EML1: variants seen among roughly 807,000 people sequenced by gnomAD.
EML1 encodes EMAP like 1.
EML1 carries 27 observed loss-of-function variants against 110.4 expected under a neutral mutation model. The ratio of observed to expected loss-of-function variants is 0.24; its 90% CI spans 0.18 to 0.34. EML1 has a LOEUF of 0.34. Ranked by LOEUF, EML1 falls within the 10% of genes least tolerant of loss-of-function variation. EML1 has a pLI of 1.00. For missense variants in EML1, 741 were observed against 1,030.9 expected (o/e 0.72, Z 3.85); for synonymous variants, 344 against 385.8 (o/e 0.89, Z 1.27).
intron 1 of EML1, among the ~76,000 whole-genome samples, chr14:99,807,106 T>G (rs2057990918): frequency 6.6e-6 from 1 of 152,148 alleles, no homozygotes; most frequent in Non-Finnish European, 1.5e-5. Flanking sequence ...CAGGACTGTT[T>G]AAAGAGACAA....
At chr14:99,817,878 G>T (rs1446540092) in intron 1 of EML1, among the ~76,000 whole-genome samples, 1 of 152,108 alleles carries the variant, frequency 6.6e-6, no homozygotes, top group African/African-American at 2.4e-5. Flanking sequence ...TAGAGTGTAG[G>T]TGGAGCCCCC....
chr14:99,821,702 G>A (rs1277187237), intron 1 of EML1, among the ~76,000 whole-genome samples: 1 of 152,162 alleles, frequency 6.6e-6, no homozygotes, highest in Non-Finnish European at 1.5e-5. Flanking sequence ...ACTCCAGCCT[G>A]GGCAGAAGGA....
chr14:99,890,148 A>C (rs530817575), intron 4 of EML1, among the ~76,000 whole-genome samples: 15 of 152,314 alleles, frequency 9.8e-5, no homozygotes, highest in Non-Finnish European at 1.5e-4. Context: ...CACACACACA[A>C]AATGCATATG....
intron 1 of EML1, among the ~76,000 whole-genome samples, chr14:99,743,474 G>A (rs373004718): frequency 2.6e-5 from 4 of 152,154 alleles, no homozygotes; most frequent in East Asian, 1.9e-4. Flanking sequence ...GTCCAGGTGC[G>A]GCTGGATCCT....
At chr14:99,845,230 T>A (rs566440376) in intron 1 of EML1, among the ~76,000 whole-genome samples, 2 of 152,196 alleles carry the variant, frequency 1.3e-5, no homozygotes, top group African/African-American at 4.8e-5. Context: ...TAATATCTCA[T>A]TGTAGTTTTA....
intron 1 of EML1, among the ~76,000 whole-genome samples, chr14:99,740,991 G>A (rs2057034999): frequency 6.6e-6 from 1 of 152,206 alleles, no homozygotes; most frequent in African/African-American, 2.4e-5. Flanking sequence ...GCTTGGGAAA[G>A]TTTCCAGCAA....
Position 99,793,413 on chromosome 14 carries a change from A to G in EML1, c.-64A>G. ...CGCCGGTCGCGGTCGGGCTCAGCTCAGTGTGTGGTGAGCGGCGGCGGCGCG... is the reference window on the plus strand; with the variant it reads ...CGCCGGTCGCGGTCGGGCTCAGCTCGGTGTGTGGTGAGCGGCGGCGGCGCG... On this transcript the variant is annotated 5_prime_UTR_variant, in exon 1 of 22. Transcript: ENST00000262233. 2 of 1,014,594 alleles carry G rather than the reference A, an allele frequency of 2.0e-6. No individual in the cohort carries two copies. The highest frequency in any genetic ancestry group is 2.4e-6 in the Non-Finnish European group (2 of 850,218). The allele number at this position is 1,014,594 out of a possible 1,614,324, so 62.8% of individuals were successfully genotyped here.
intron 10 of EML1, among the ~76,000 whole-genome samples, chr14:99,908,657 G>A (rs1232396165): frequency 6.6e-6 from 1 of 152,202 alleles, no homozygotes; most frequent in African/African-American, 2.4e-5. Flanking sequence ...GCCCAATCCA[G>A]TAGGCCAGGG....
At chr14:99,937,525 C>T (rs980459989) in intron 19 of EML1, among the ~76,000 whole-genome samples, 1 of 152,050 alleles carries the variant, frequency 6.6e-6, no homozygotes, top group African/African-American at 2.4e-5. Context: ...GGGCAGCAGG[C>T]GGAGACCCAG....
chr14:99,776,709 C>T (rs2140209754), intron 1 of EML1, among the ~76,000 whole-genome samples: 1 of 152,262 alleles, frequency 6.6e-6, no homozygotes, highest in Non-Finnish European at 1.5e-5. Context: ...GTAATATTGG[C>T]CGTAAGTGAA....
At chr14:99,896,287 G>C (rs1863415897) in intron 6 of EML1, among the ~76,000 whole-genome samples, 2 of 151,952 alleles carry the variant, frequency 1.3e-5, no homozygotes, top group Admixed American at 6.6e-5. Flanking sequence ...ATTACTATTT[G>C]AGATTATGGA....
chr14:99,741,740 C>T (rs2057044969), intron 1 of EML1, among the ~76,000 whole-genome samples: 2 of 152,182 alleles, frequency 1.3e-5, no homozygotes, highest in Admixed American at 6.5e-5. Flanking sequence ...TAGAAGGCCT[C>T]GCCCCCCAAT....
At position 99,865,556 on chromosome 14, in the gene EML1, A is replaced by G. The variant is rs193255816; in HGVS notation, c.293A>G (p.Asn98Ser). The part of the protein sequence containing the change: ...MQTLPLRTTV[N>S]NGTVLPKKPT... ...ACCCTGCCTTTAAGAACCACGGTCA[A>G]CAATGGCACTGTGTTACCAAAGAAA... Residue 98 changes from asparagine (N) to serine (S), a missense_variant, in exon 3 of 22, where the codon AAC (asparagine) becomes AGC (serine). Asn to Ser is a conservative substitution (Grantham distance 46). This residue lies in a region of EML1 where 226 missense variants were observed against 255.6 expected (regional missense o/e 0.88). Coordinates refer to ENST00000262233, the MANE Select transcript of EML1 (RefSeq NM_004434.3). The G allele has an allele frequency of 8.7e-6, 14 of 1,614,264 alleles. No individual in the cohort carries two copies. In the East Asian group the frequency reaches 2.5e-4, roughly 28 times the overall value.
chr14:99,919,387 C>T (rs1025232589), intron 16 of EML1, among the ~76,000 whole-genome samples: 6 of 149,790 alleles, frequency 4.0e-5, no homozygotes, highest in African/African-American at 9.8e-5. Context: ...TTCATGAAAA[C>T]GTTTGTATAG....
At chr14:99,748,876 C>T (rs539111053) in intron 1 of EML1, among the ~76,000 whole-genome samples, 2 of 152,276 alleles carry the variant, frequency 1.3e-5, no homozygotes, top group East Asian at 1.9e-4. Context: ...TGTAGATTTG[C>T]GTATTCTGCA....
At chr14:99,804,232 G>A (rs866533113) in intron 1 of EML1, among the ~76,000 whole-genome samples, 13 of 152,014 alleles carry the variant, frequency 8.6e-5, no homozygotes, top group African/African-American at 2.7e-4. Flanking sequence ...TATATCTTAC[G>A]CCACGGAGTT....
chr14:99,896,304 T>A (rs1367038657), intron 6 of EML1, among the ~76,000 whole-genome samples: 3 of 152,180 alleles, frequency 2.0e-5, no homozygotes, highest in South Asian at 2.1e-4. Context: ...TGGAATCATA[T>A]TCCTTAGAAA....
At chr14:99,907,282 A>G (rs773125640) in intron 9 of EML1, 10 of 201,516 alleles carry the variant, frequency 5.0e-5, no homozygotes, top group Non-Finnish European at 7.9e-5. Flanking sequence ...TGGGCAACAT[A>G]GGGAGATCCC....
chr14:99,915,428 A>AG (rs2060017779), intron 15 of EML1: 1 of 152,096 alleles, frequency 6.6e-6, no homozygotes, highest in Admixed American at 6.6e-5. Flanking sequence ...AAAAAAAAAA[A>AG]AAAAAAGTCA....
Sources: allele counts gnomAD v4.1 joint callset (sites outside exome capture counted in the v4.1 genomes callset), GRCh38; gene constraint gnomAD v4.1.1; regional missense constraint gnomAD v4.1.1; transcripts MANE v1.5; gene names NCBI Gene and HGNC (gene_info 2026-07-23, HGNC 2026-07-21).